The following ANK3 variants were observed in gnomAD, a reference collection of about 807,000 sequenced individuals.
ANK3 encodes ankyrin-3.
A neutral mutation model predicts 370.9 loss-of-function variants in ANK3; 57 were observed. The observed-to-expected ratio is 0.15, with a 90% confidence interval of 0.12 to 0.19. The LOEUF is 0.19. ANK3 is among the 10% of genes least tolerant of loss of function. ANK3 has a pLI of 1.00. For synonymous variants in ANK3, 1,929 were observed against 1,946.3 expected, an observed-to-expected ratio of 0.99 and a Z score of 0.23; for missense variants, 4,439 against 5,302.1, an observed-to-expected ratio of 0.84 and a Z score of 5.06.
chr10:60,604,459 C>T (rs1394066465), intron 2 of ANK3, among the ~76,000 whole-genome samples: 3 of 152,082 alleles, frequency 2.0e-5, no homozygotes, highest in African/African-American at 7.2e-5. Flanking sequence ...ATATCAAACA[C>T]AAAAGTTGAC....
intron 1 of ANK3, among the ~76,000 whole-genome samples, chr10:60,631,735 G>T (rs865926318): frequency 3.9e-5 from 6 of 151,970 alleles, no homozygotes; most frequent in Admixed American, 6.6e-5. Context: ...ACATAGGGAA[G>T]AATACAGATC....
chr10:60,196,124 A>G, intron 16 of ANK3, 21 bp downstream of exon 16: 1 of 1,604,172 alleles, frequency 6.2e-7, no homozygotes. Context: ...CAGTCTCCTT[A>G]GGCTGTGGAA....
At chr10:60,504,066 A>C (rs2075871630) in intron 2 of ANK3, among the ~76,000 whole-genome samples, 1 of 152,198 alleles carries the variant, frequency 6.6e-6, no homozygotes, top group African/African-American at 2.4e-5. Context: ...GGATACAGCA[A>C]GGTCTGTAAG....
intron 7 of ANK3, among the ~76,000 whole-genome samples, chr10:60,250,613 C>T: frequency 6.6e-6 from 1 of 152,172 alleles, no homozygotes; most frequent in Non-Finnish European, 1.5e-5. Context: ...GATCTGCCCT[C>T]CTTGGCCTCC....
intron 18 of ANK3, among the ~76,000 whole-genome samples, chr10:60,177,676 C>A (rs571280404): frequency 3.4e-5 from 5 of 146,372 alleles, no homozygotes; most frequent in Non-Finnish European, 5.9e-5. Flanking sequence ...CGGCTCACTG[C>A]GAGCTCTGCT....
chr10:60,187,240 C>T (rs1231218243), intron 16 of ANK3, among the ~76,000 whole-genome samples: 1 of 151,920 alleles, frequency 6.6e-6, no homozygotes, highest in Non-Finnish European at 1.5e-5. Flanking sequence ...ACTGCAAGCT[C>T]CATCTCCCGG....
intron 43 of ANK3, among the ~76,000 whole-genome samples, chr10:60,035,506 G>C (rs2074745682): frequency 6.6e-6 from 1 of 151,658 alleles, no homozygotes; most frequent in Non-Finnish European, 1.5e-5. Context: ...ACCTGCCTTG[G>C]CCTCCCGAAG....
At chr10:60,145,935 A>C in intron 23 of ANK3, 1 of 728,968 alleles carries the variant, frequency 1.4e-6, no homozygotes, top group East Asian at 2.7e-5. Flanking sequence ...AATGGGAACT[A>C]TATTTACTGG....
At chr10:60,191,423 G>A (rs1023328799) in intron 16 of ANK3, among the ~76,000 whole-genome samples, 21 of 151,076 alleles carry the variant, frequency 1.4e-4, no homozygotes, top group Admixed American at 4.6e-4. Context: ...CAAAGGACAC[G>A]AACAGACATT....
At position 60,613,759 on chromosome 10, in the gene ANK3, CA is replaced by C. The variant is rs5785459; in HGVS notation, c.96+1426del. On this transcript the variant is annotated intron_variant, in intron 2 of 43. Transcript: ENST00000373827. Reference sequence around the variant, plus strand: ...ACTCAGTCCTTTCACTGAACAAAAACAAAAAAAAAAATCATTTTAGGAAGAC... The same window carrying C: ...ACTCAGTCCTTTCACTGAACAAAAACAAAAAAAAAATCATTTTAGGAAGAC... Among the ~76,000 whole-genome samples the C allele has an allele frequency of 6.3e-4, 94 of 148,354 alleles. 1 individual carries two copies. The East Asian group carries it at 0.012, about 20-fold the overall frequency.
chr10:60,411,267 C>A (rs1218127369), intron 2 of ANK3, among the ~76,000 whole-genome samples: 1 of 152,156 alleles, frequency 6.6e-6, no homozygotes, highest in Non-Finnish European at 1.5e-5. Flanking sequence ...CAGTTATGTT[C>A]GGGGTTCAGA....
At chr10:60,644,020 C>A (rs1032103689) in intron 1 of ANK3, among the ~76,000 whole-genome samples, 1 of 152,120 alleles carries the variant, frequency 6.6e-6, no homozygotes, top group Non-Finnish European at 1.5e-5. Flanking sequence ...ACTACATTAG[C>A]CAATTATTTT....
Position 60,325,613 on chromosome 10 carries a change from C to T in ANK3, c.115-45974G>A, listed in dbSNP as rs531645487. On this transcript the variant is annotated intron_variant, in intron 1 of 43. Transcript: ENST00000280772. The stretch of plus-strand genomic sequence containing the variant: ...GTTTTCCAACCCTGGGTCTCCTGCT[C>T]CCCTTAGACACAAGCTCCTGGTATC... Among the ~76,000 whole-genome samples, 6 of 152,320 alleles carry T rather than the reference C, an allele frequency of 3.9e-5. No individual in the cohort carries two copies. In the East Asian group the frequency reaches 1.2e-3, roughly 29 times the overall value.
chr10:60,707,794 C>T (rs910051069), intron 1 of ANK3, among the ~76,000 whole-genome samples: 1 of 151,798 alleles, frequency 6.6e-6, no homozygotes, highest in African/African-American at 2.4e-5. Context: ...AGTTTTATTG[C>T]TGCAGGAATT....
chr10:60,301,650 C>T (rs2043848772), intron 1 of ANK3, among the ~76,000 whole-genome samples: 1 of 152,046 alleles, frequency 6.6e-6, no homozygotes, highest in South Asian at 2.1e-4. Context: ...CTTCTGAGCT[C>T]AAATGATCTG....
chr10:60,221,016 C>T (rs186552606), intron 8 of ANK3, among the ~76,000 whole-genome samples: 2 of 152,046 alleles, frequency 1.3e-5, no homozygotes, highest in East Asian at 3.9e-4. Context: ...CTATCTCATC[C>T]ATCAACTCCT....
At position 60,714,300 on chromosome 10, in the gene ANK3, G is replaced by T. The variant is rs559738233; in HGVS notation, c.57+18963C>A. Among the ~76,000 whole-genome samples, 12 of 152,274 alleles carry T rather than the reference G, an allele frequency of 7.9e-5. No individual in the cohort carries two copies. In the South Asian group the frequency reaches 2.5e-3, roughly 32 times the overall value. On this transcript the variant is annotated intron_variant, in intron 1 of 43. Coordinates refer to the ANK3 transcript ENST00000373827. ...ATCATTCCCAGATGGGTTCACTGGT[G>T]ACTTCGACCAAAAATTTGAGAAGAA...
chr10:60,650,752 C>G (rs533699342), intron 1 of ANK3, among the ~76,000 whole-genome samples: 1 of 152,242 alleles, frequency 6.6e-6, no homozygotes, highest in African/African-American at 2.4e-5. Flanking sequence ...CACTCAGCTT[C>G]AAAGTTTTCA....
At chr10:60,300,859 T>C (rs1296770615) in intron 1 of ANK3, among the ~76,000 whole-genome samples, 1 of 152,100 alleles carries the variant, frequency 6.6e-6, no homozygotes, top group Admixed American at 6.6e-5. Flanking sequence ...AAACTTTTAA[T>C]TTCCTTCTCT....
Sources: gnomAD v4.1 joint callset for allele counts (sites outside exome capture counted in the v4.1 genomes callset) on GRCh38, gnomAD v4.1.1 for gene constraint, MANE v1.5 for transcripts, NCBI Gene and HGNC (gene_info 2026-07-23, HGNC 2026-07-21) for gene names.